Variants in RBFOX1 observed in about 807,000 individuals in gnomAD.
RBFOX1 encodes RNA binding fox-1 homolog 1, also known as RNA binding protein fox-1 homolog 1.
In RBFOX1, 8 loss-of-function variants were observed where a neutral mutation model predicts 57.7. That is an observed-to-expected ratio of 0.14 (90% confidence interval 0.08 to 0.25). The LOEUF is 0.25. Among genes scored for constraint, RBFOX1 ranks in the 10% least tolerant of loss-of-function variants. RBFOX1 has a pLI of 1.00. For missense variants in RBFOX1, 611 were observed against 548.5 expected, an observed-to-expected ratio of 1.11 and a Z score of -1.14; for synonymous variants, 326 against 222.4, an observed-to-expected ratio of 1.47 and a Z score of -4.15.
At chr16:7,100,378 A>G (rs1185474696) in intron 4 of RBFOX1, among the ~76,000 whole-genome samples, 3 of 152,132 alleles carry the variant, frequency 2.0e-5, no homozygotes, top group African/African-American at 4.8e-5. Context: ...CCCCCAGCCT[A>G]TCACTCATCA....
At chr16:7,641,131 G>A (rs1193207070) in intron 11 of RBFOX1, among the ~76,000 whole-genome samples, 1 of 152,092 alleles carries the variant, frequency 6.6e-6, no homozygotes, top group Non-Finnish European at 1.5e-5. Flanking sequence ...TGAATCCAAG[G>A]GCACTCATAA....
intron 3 of RBFOX1, among the ~76,000 whole-genome samples, chr16:7,023,768 T>C (rs2040050611): frequency 1.3e-5 from 2 of 152,032 alleles, no homozygotes; most frequent in South Asian, 2.1e-4. Flanking sequence ...CTTTTCCACT[T>C]AGCTCAAATA....
At chr16:6,923,554 T>A (rs1347761937) in intron 3 of RBFOX1, among the ~76,000 whole-genome samples, 1 of 151,928 alleles carries the variant, frequency 6.6e-6, no homozygotes, top group African/African-American at 2.4e-5. Context: ...AATAAAAAGA[T>A]GTGGTATTCT....
At chr16:6,644,082 C>A (rs1158496693) in intron 2 of RBFOX1, among the ~76,000 whole-genome samples, 1 of 152,154 alleles carries the variant, frequency 6.6e-6, no homozygotes, top group African/African-American at 2.4e-5. Flanking sequence ...GCCAAGATCA[C>A]CCTACTGCAC....
At chr16:7,039,098 T>C (rs905046848) in intron 3 of RBFOX1, among the ~76,000 whole-genome samples, 1 of 152,164 alleles carries the variant, frequency 6.6e-6, no homozygotes, top group African/African-American at 2.4e-5. Flanking sequence ...TAGCACCCCA[T>C]AGGTCATTCG....
chr16:5,564,222 TG>T (rs1465590529), intron 2 of RBFOX1, among the ~76,000 whole-genome samples: 8 of 152,094 alleles, frequency 5.3e-5, no homozygotes, highest in Non-Finnish European at 5.9e-5. Context: ...TTCACTGTGT[TG>T]GCCAGGCTGG....
chr16:5,465,477 AAC>A (rs2068924112), intron 1 of RBFOX1, among the ~76,000 whole-genome samples: 1 of 152,158 alleles, frequency 6.6e-6, no homozygotes, highest in Non-Finnish European at 1.5e-5. Flanking sequence ...TTCAGCTTAA[AAC>A]ACAGCCTTTG....
intron 2 of RBFOX1, among the ~76,000 whole-genome samples, chr16:6,490,919 A>T (rs374189610): frequency 2.0e-5 from 3 of 152,172 alleles, no homozygotes; most frequent in Non-Finnish European, 4.4e-5. Context: ...ACAGTTCATT[A>T]AATTGGCTTT....
intron 2 of RBFOX1, among the ~76,000 whole-genome samples, chr16:6,397,025 A>G (rs1007684825): frequency 2.0e-5 from 3 of 152,208 alleles, no homozygotes; most frequent in African/African-American, 7.2e-5. Flanking sequence ...AAAAAAGCAA[A>G]TGATTTGATT....
At chr16:7,633,262 CA>C (rs201786607) in intron 11 of RBFOX1, among the ~76,000 whole-genome samples, 3,639 of 152,248 alleles carry the variant, frequency 0.024, 55 homozygotes, top group Non-Finnish European at 0.036. Flanking sequence ...ATTAAAAATA[CA>C]AAGTGGCAAT....
rs34341448 is a variant in RBFOX1, at chr16:6,864,995, C to CTTTTTTTTTTTTTTTTT, written c.-15-187054_-15-187038dup. On this transcript the variant is annotated intron_variant, in intron 3 of 15. Coordinates refer to ENST00000550418, the MANE Select transcript of RBFOX1 (RefSeq NM_018723.4). ...AATGTTGGAGTGGGTTTTTCTTTTT[C>CTTTTTTTTTTTTTTTTT]TTTTTTTTTTTTTTTTTTTTTTTTG... Among the ~76,000 whole-genome samples, 34 of 82,564 alleles carry CTTTTTTTTTTTTTTTTT rather than the reference C, an allele frequency of 4.1e-4. 1 individual carries two copies. Among genetic ancestry groups the CTTTTTTTTTTTTTTTTT allele is most frequent in the African/African-American group, 1.7e-3 (31 of 17,730 alleles). The allele number at this position is 82,564 out of a possible 152,430, so 54.2% of individuals were successfully genotyped here. A position where few individuals can be genotyped will look rare whatever the true frequency, so the allele number is the denominator to read the frequency against.
chr16:7,333,146 T>C, intron 4 of RBFOX1: 3 of 1,519,890 alleles, frequency 2.0e-6, no homozygotes, highest in Admixed American at 1.7e-5. Flanking sequence ...GAGTAATAAT[T>C]GGAATTTTTA....
chr16:6,581,303 G>T (rs545929050), intron 2 of RBFOX1, among the ~76,000 whole-genome samples: 1 of 152,234 alleles, frequency 6.6e-6, no homozygotes, highest in Non-Finnish European at 1.5e-5. Context: ...TTGCTTTTTC[G>T]ATGATCCCTG....
intron 5 of RBFOX1, among the ~76,000 whole-genome samples, chr16:7,555,410 G>A (rs557655970): frequency 5.3e-5 from 8 of 152,170 alleles, no homozygotes; most frequent in East Asian, 3.9e-4. Context: ...TCCTCGTTCT[G>A]ATAAATGCAC....
intron 3 of RBFOX1, among the ~76,000 whole-genome samples, chr16:7,034,868 A>C (rs1202720260): frequency 1.8e-4 from 1 of 5,498 alleles, no homozygotes; most frequent in Non-Finnish European, 2.7e-4. Flanking sequence ...TTTTTTTTTG[A>C]GATGGAGTCC....
At chr16:6,722,941 G>A (rs919241717) in intron 3 of RBFOX1, among the ~76,000 whole-genome samples, 8 of 152,140 alleles carry the variant, frequency 5.3e-5, no homozygotes, top group Non-Finnish European at 1.0e-4. Flanking sequence ...GGGGCCCTCT[G>A]CTTCTAGGCA....
At chr16:6,511,137 C>T (rs999226804) in intron 2 of RBFOX1, among the ~76,000 whole-genome samples, 2 of 152,102 alleles carry the variant, frequency 1.3e-5, no homozygotes, top group African/African-American at 2.4e-5. Context: ...GCCCAGTGTG[C>T]CTCCTGGTGT....
chr16:6,736,738 G>A (rs939360091), intron 3 of RBFOX1, among the ~76,000 whole-genome samples: 1 of 152,150 alleles, frequency 6.6e-6, no homozygotes, highest in Non-Finnish European at 1.5e-5. Flanking sequence ...TCTCCACACT[G>A]GGAAAACCAG....
chr16:7,156,022 T>A (rs12596418), intron 4 of RBFOX1, among the ~76,000 whole-genome samples: 26,813 of 151,552 alleles, frequency 0.18, 2,980 homozygotes, highest in East Asian at 0.33. Context: ...CACTCACACA[T>A]ACACACACGC....
Sources: gnomAD v4.1 joint callset for allele counts (sites outside exome capture counted in the v4.1 genomes callset) on GRCh38, gnomAD v4.1.1 for gene constraint, MANE v1.5 for transcripts, NCBI Gene and HGNC (gene_info 2026-07-23, HGNC 2026-07-21) for gene names.